Variants in PPP2R1B observed in about 807,000 individuals in gnomAD.
PPP2R1B encodes the protein serine/threonine-protein phosphatase 2A 65 kDa regulatory subunit A beta isoform.
PPP2R1B carries 58 observed loss-of-function variants against 72.7 expected under a neutral mutation model. The ratio of observed to expected loss-of-function variants is 0.80; its 90% CI spans 0.65 to 0.99. The LOEUF (loss-of-function observed/expected upper bound fraction) is 0.99. Among genes scored for constraint, PPP2R1B ranks in the 50% least tolerant of loss-of-function variants. The pLI is 0.00. For missense variants in PPP2R1B, 695 were observed against 733.6 expected (o/e 0.95, Z 0.61); for synonymous variants, 256 against 264.6 (o/e 0.97, Z 0.32).
At chr11:111,761,177 C>T in intron 3 of PPP2R1B, 126 bp from the exon 4 acceptor site, 2 of 841,458 alleles carry the variant, frequency 2.4e-6, no homozygotes, top group Non-Finnish European at 3.9e-6. Flanking sequence ...TGCATCATAC[C>T]AAATGGTTAC....
chr11:111,700,745 T>C, the PPP2R1B span: 2 of 982,256 alleles, frequency 2.0e-6, no homozygotes, highest in African/African-American at 3.3e-5. Context: ...CAGGGAAACA[T>C]CACAAGATAA....
the PPP2R1B span, among the ~76,000 whole-genome samples, chr11:111,692,350 CAAAAAAAAAAAAAAAAAAAAAAAA>C: frequency 2.3e-4 from 6 of 26,488 alleles, no homozygotes; most frequent in East Asian, 1.9e-3. Context: ...GACTCAGTCT[CAAAAAAAAAAAAAAAAAAAAAAAA>C]AAAAAAAAAA....
the PPP2R1B span, among the ~76,000 whole-genome samples, chr11:111,701,294 AGTC>A: frequency 6.6e-6 from 1 of 152,254 alleles, no homozygotes; most frequent in Non-Finnish European, 1.5e-5. The surrounding 1 kb of genome is among the most constrained non-coding windows in gnomAD (Gnocchi z 4.2). Context: ...TTATTGTAGT[AGTC>A]AGGGTTTTGG....
chr11:111,739,053 G>T lies in PPP2R1B; in HGVS notation c.*2543C>A, dbSNP rs759773680. On this transcript the variant is annotated 3_prime_UTR_variant, in exon 15 of 15. Coordinates refer to ENST00000527614, the MANE Select transcript of PPP2R1B (RefSeq NM_002716.5). ...AGTCTAAGCCAGGGGACCAGAAAAG[G>T]GCCACATAAAGCTTGTTTCCTGAAA... 1 of 985,218 alleles carries T rather than the reference G, an allele frequency of 1.0e-6. No homozygotes were observed. The highest frequency in any genetic ancestry group is 1.7e-5 in the African/African-American group (1 of 57,190). The allele number at this position is 985,218 out of a possible 1,614,324, so 61.0% of individuals were successfully genotyped here. A position where few individuals can be genotyped will look rare whatever the true frequency, so the allele number is the denominator to read the frequency against.
chr11:111,733,856 G>C (rs768329962), downstream of PPP2R1B, among the ~76,000 whole-genome samples: 1 of 152,350 alleles, frequency 6.6e-6, no homozygotes, highest in Non-Finnish European at 1.5e-5. Context: ...GGCCAGGCAA[G>C]GAGGGCTAGG....
chr11:111,758,729 T>C lies in PPP2R1B; in HGVS notation c.687+1075A>G, dbSNP rs548264298. ...GAGATTGTGTTTGAAAGGGAATCCA[T>C]GGAGGGATTCTGGGATAGTGGCTGT... On this transcript the variant is annotated intron_variant, in intron 5 of 14. Coordinates refer to ENST00000527614, the MANE Select transcript of PPP2R1B (RefSeq NM_002716.5). Among the ~76,000 whole-genome samples, 77 of 152,196 alleles carry C rather than the reference T, an allele frequency of 5.1e-4. 1 individual carries two copies. The highest frequency in any genetic ancestry group is 1.8e-3 in the African/African-American group (73 of 41,546).
At chr11:111,696,894 CT>C in the PPP2R1B span, among the ~76,000 whole-genome samples, 4 of 152,182 alleles carry the variant, frequency 2.6e-5, no homozygotes, top group African/African-American at 7.2e-5. Flanking sequence ...CATTCCCCCC[CT>C]ACTCACCTCC....
Position 111,743,625 on chromosome 11 carries a change from C to T in PPP2R1B, c.1400-95G>A, listed in dbSNP as rs376089061. On this transcript the variant is annotated intron_variant, in intron 11 of 14. Coordinates refer to ENST00000527614, the MANE Select transcript of PPP2R1B (RefSeq NM_002716.5). Reference sequence around the variant, plus strand: ...ATGAAAATCAAATGTGGACCAAAAGCAAAACCCCTCTGCAATCAGACTCCA... The same window carrying T: ...ATGAAAATCAAATGTGGACCAAAAGTAAAACCCCTCTGCAATCAGACTCCA... 1.1e-4 allele frequency: 158 copies of T among 1,400,972 alleles called. 1 individual carries two copies. In the African/African-American group the frequency reaches 2.0e-3, roughly 18 times the overall value. 86.8% of individuals were successfully genotyped at this position (1,400,972 alleles called of 1,614,324 possible).
At position 111,766,003 on chromosome 11, in the gene PPP2R1B, G is replaced by A; in HGVS notation, c.114+245C>T. Reference sequence around the variant, plus strand: ...AAGCGGGTTCCCCGACAACCGCCCGGGAAGGGCAAGGCTCCGGGCGGACGC... The same window carrying A: ...AAGCGGGTTCCCCGACAACCGCCCGAGAAGGGCAAGGCTCCGGGCGGACGC... On this transcript the variant is annotated intron_variant, in intron 1 of 14. Coordinates refer to ENST00000527614, the MANE Select transcript of PPP2R1B (RefSeq NM_002716.5). 5.1e-6 allele frequency: 3 copies of A among 585,480 alleles called. No homozygotes were observed. In the Admixed American group the frequency reaches 6.9e-5, roughly 14 times the overall value. 36.3% of individuals were successfully genotyped at this position (585,480 alleles called of 1,614,324 possible). A position where few individuals can be genotyped will look rare whatever the true frequency, so the allele number is the denominator to read the frequency against.
chr11:111,721,027 C>T, the PPP2R1B span: 13 of 1,613,886 alleles, frequency 8.1e-6, no homozygotes, highest in Non-Finnish European at 9.3e-6. Context: ...GCCGGCGGCT[C>T]CTCAGCTCCA....
the PPP2R1B span, among the ~76,000 whole-genome samples, chr11:111,691,840 C>G: frequency 6.6e-6 from 1 of 152,178 alleles, no homozygotes; most frequent in Non-Finnish European, 1.5e-5. Flanking sequence ...AAAACAGCAG[C>G]AGTGACAAAA....
At chr11:111,741,902 A>C (rs1944533038) in intron 14 of PPP2R1B, 151 bp downstream of exon 14, 1 of 822,016 alleles carries the variant, frequency 1.2e-6, no homozygotes, top group Admixed American at 1.9e-5. Context: ...AGAGGGTTCT[A>C]ATCAGAGAGA....
chr11:111,696,777 T>A, the PPP2R1B span, among the ~76,000 whole-genome samples: 1 of 152,244 alleles, frequency 6.6e-6, no homozygotes, highest in East Asian at 1.9e-4. Context: ...GGAATGCTGA[T>A]GTTTAATGAA....
the PPP2R1B span, among the ~76,000 whole-genome samples, chr11:111,698,154 T>C: frequency 1.3e-5 from 2 of 152,222 alleles, no homozygotes; most frequent in African/African-American, 2.4e-5. Flanking sequence ...ATATTCATAT[T>C]ACCTACAGAA....
chr11:111,742,315 TTC>T, intron 13 of PPP2R1B, 171 bp from the exon 14 acceptor site: 3 of 610,296 alleles, frequency 4.9e-6, no homozygotes, highest in South Asian at 4.5e-5. Flanking sequence ...CAAAATCAGC[TTC>T]AGACAAGGAT....
At chr11:111,736,682 T>C (rs1181928366), downstream of PPP2R1B, among the ~76,000 whole-genome samples, 1 of 152,172 alleles carries the variant, frequency 6.6e-6, no homozygotes, top group Admixed American at 6.5e-5. Context: ...GCAAAAAACG[T>C]TTTCATGGTT....
At chr11:111,721,742 T>C in the PPP2R1B span, 561 of 955,870 alleles carry the variant, frequency 5.9e-4, no homozygotes, top group Admixed American at 1.1e-3. Flanking sequence ...GGTATTCCTA[T>C]TGGACATTGC....
the PPP2R1B span, among the ~76,000 whole-genome samples, chr11:111,710,787 C>T: frequency 6.6e-6 from 1 of 152,172 alleles, no homozygotes; most frequent in African/African-American, 2.4e-5. Context: ...ACAATTTGTA[C>T]GTGATGGAGC....
chr11:111,759,821 G>C lies in PPP2R1B; in HGVS notation c.670C>G (p.Leu224Val). Reference protein sequence around the residue: ...KSEIVPLFTSLASDEQDSVRL... With the variant: ...KSEIVPLFTSVASDEQDSVRL... ...TAGTTTACCTGTTCATCTGAAGCTA[G>C]ACTAGTGAACAGTGGAACAATTTCA... The change falls in exon 5 of 15, where the codon CTA becomes GTA. Residue 224 changes from leucine (L) to valine (V), a missense_variant. By Grantham distance (32) the Leu-to-Val change is conservative. Coordinates refer to ENST00000527614, the MANE Select transcript of PPP2R1B (RefSeq NM_002716.5). 6.2e-7 allele frequency: 1 copy of C among 1,612,658 alleles called. No individual in the cohort carries two copies.
Sources: allele counts gnomAD v4.1 joint callset (sites outside exome capture counted in the v4.1 genomes callset), GRCh38; gene constraint gnomAD v4.1.1; non-coding constraint Gnocchi (gnomAD v3.1); transcripts MANE v1.5; gene names NCBI Gene and HGNC (gene_info 2026-07-23, HGNC 2026-07-21).